The following TLK2 variants were observed in gnomAD, a reference collection of about 807,000 sequenced individuals.
The protein encoded by TLK2 is tousled like kinase 2, also known as serine/threonine-protein kinase tousled-like 2.
A neutral mutation model predicts 117.3 loss-of-function variants in TLK2; 6 were observed. The ratio of observed to expected loss-of-function variants is 0.05; its 90% CI spans 0.03 to 0.10. The LOEUF (loss-of-function observed/expected upper bound fraction) is 0.10, where lower values mean the gene tolerates loss of function less well. Ranked by LOEUF, TLK2 falls within the 10% of genes least tolerant of loss-of-function variation. TLK2 has a pLI of 1.00. For missense variants in TLK2, 299 were observed against 901.2 expected, an observed-to-expected ratio of 0.33 and a Z score of 8.56; for synonymous variants, 257 against 316.7, an observed-to-expected ratio of 0.81 and a Z score of 2.00.
chr17:62,514,076 G>T (rs1375199943), intron 2 of TLK2, among the ~76,000 whole-genome samples: 2 of 151,998 alleles, frequency 1.3e-5, no homozygotes. Context: ...AGCTTTTGAG[G>T]ATTGTGTTTA....
chr17:62,527,485 C>T (rs370494297), intron 6 of TLK2, among the ~76,000 whole-genome samples: 1 of 152,158 alleles, frequency 6.6e-6, no homozygotes, highest in East Asian at 1.9e-4. Context: ...AACCCCCTCC[C>T]TGCCGCTGTG....
intron 11 of TLK2, among the ~76,000 whole-genome samples, chr17:62,565,486 C>A (rs1162488200): frequency 6.6e-6 from 1 of 151,412 alleles, no homozygotes; most frequent in East Asian, 1.9e-4. Context: ...GACCCTGTCT[C>A]TACTAGAAAT....
chr17:62,610,338 C>CT (rs2083647867), intron 21 of TLK2, among the ~76,000 whole-genome samples: 1 of 152,204 alleles, frequency 6.6e-6, no homozygotes, highest in African/African-American at 2.4e-5. Flanking sequence ...CTGTGAAACA[C>CT]TAAGACACTA....
rs533266642 is a variant in TLK2, at chr17:62,610,377, T to G, written c.2080-2015T>G. Among the ~76,000 whole-genome samples the G allele has an allele frequency of 3.9e-5, 6 of 152,352 alleles. No individual in the cohort carries two copies. In the South Asian group the frequency reaches 1.2e-3, roughly 32 times the overall value. On this transcript the variant is annotated intron_variant, in intron 21 of 21. Transcript: ENST00000346027. Reference sequence around the variant, plus strand: ...CGGGTAGTGGAGATGGAATCGAATATGTAGCAGTGAACTCTGCAGAACAGT... The same window carrying G: ...CGGGTAGTGGAGATGGAATCGAATAGGTAGCAGTGAACTCTGCAGAACAGT...
chr17:62,596,804 T>G (rs565960049), intron 17 of TLK2, 130 bp downstream of exon 17: 2 of 726,488 alleles, frequency 2.8e-6, no homozygotes, highest in African/African-American at 3.6e-5. Flanking sequence ...TGACAAATGA[T>G]CAAACATAAA....
chr17:62,491,528 T>C (rs2073111982), intron 2 of TLK2, among the ~76,000 whole-genome samples: 1 of 152,170 alleles, frequency 6.6e-6, no homozygotes, highest in South Asian at 2.1e-4. Context: ...CTAGATGTGA[T>C]GGGATTAGTT....
intron 7 of TLK2, among the ~76,000 whole-genome samples, chr17:62,541,373 A>G (rs1260267905): frequency 2.0e-5 from 3 of 152,212 alleles, no homozygotes; most frequent in African/African-American, 7.2e-5. Flanking sequence ...GTGTAATTAT[A>G]TGTTGCATGA....
chr17:62,530,985 T>G (rs539699592), intron 6 of TLK2, among the ~76,000 whole-genome samples: 15 of 152,300 alleles, frequency 9.8e-5, no homozygotes, highest in Middle Eastern at 3.4e-3. Flanking sequence ...ATTTGCCTGT[T>G]GTTTCTTTGA....
At chr17:62,582,150 A>G (rs888259326) in intron 15 of TLK2, among the ~76,000 whole-genome samples, 1 of 152,210 alleles carries the variant, frequency 6.6e-6, no homozygotes, top group Non-Finnish European at 1.5e-5. Flanking sequence ...TGTGTTTTCA[A>G]TTTCTTCTAC....
intron 16 of TLK2, among the ~76,000 whole-genome samples, chr17:62,588,639 G>A (rs1215001140): frequency 6.6e-6 from 1 of 152,036 alleles, no homozygotes; most frequent in Non-Finnish European, 1.5e-5. Context: ...TGCTTGGGCA[G>A]CTGGGGGGAG....
intron 1 of TLK2, among the ~76,000 whole-genome samples, chr17:62,471,362 T>A (rs1310041078): frequency 6.6e-6 from 1 of 152,208 alleles, no homozygotes; most frequent in Non-Finnish European, 1.5e-5. Context: ...AAAGAATGAA[T>A]GAGTGAAGTG....
chr17:62,479,838 C>T (rs1413732005), intron 1 of TLK2, among the ~76,000 whole-genome samples: 1 of 152,216 alleles, frequency 6.6e-6, no homozygotes, highest in African/African-American at 2.4e-5. Flanking sequence ...GGAAGTGTTG[C>T]GAGAGACCTT....
At chr17:62,528,798 A>G (rs530069440) in intron 6 of TLK2, among the ~76,000 whole-genome samples, 36 of 152,334 alleles carry the variant, frequency 2.4e-4, no homozygotes, top group Admixed American at 1.3e-4. Context: ...TGCAAAACCT[A>G]AAATATTTGT....
At chr17:62,570,240 T>C (rs2080170056) in intron 11 of TLK2, among the ~76,000 whole-genome samples, 1 of 152,196 alleles carries the variant, frequency 6.6e-6, no homozygotes, top group Non-Finnish European at 1.5e-5. Flanking sequence ...GTGCAGAAGA[T>C]TGATTGTCTT....
rs2083947433 is a variant in TLK2 at position 62,613,796 on chromosome 17, T to G, written c.*1231T>G. 6.6e-6 allele frequency: 1 copy of G among 152,124 alleles called. No homozygotes were observed. The allele number at this position is 152,124 out of a possible 1,614,324, so 9.4% of individuals were successfully genotyped here. A position where few individuals can be genotyped will look rare whatever the true frequency, so the allele number is the denominator to read the frequency against. On this transcript the variant is annotated 3_prime_UTR_variant, in exon 22 of 22. Transcript: ENST00000346027. ...CTTTGTCTAGCTCACTTTAAAAGAT[T>G]CATCAAATGGAATTTTAAAAATAAT... is the stretch of plus-strand genomic sequence containing the variant.
At chr17:62,490,243 T>C (rs1029883851) in intron 2 of TLK2, among the ~76,000 whole-genome samples, 2 of 152,278 alleles carry the variant, frequency 1.3e-5, no homozygotes, top group African/African-American at 4.8e-5. Flanking sequence ...CTCTGCCTCT[T>C]ACCCTGTCTC....
intron 17 of TLK2, among the ~76,000 whole-genome samples, chr17:62,599,271 C>T (rs1319844925): frequency 1.3e-5 from 2 of 152,218 alleles, no homozygotes; most frequent in Non-Finnish European, 2.9e-5. Flanking sequence ...TGCCATGTTT[C>T]TTAAGATACA....
chr17:62,501,471 T>A (rs1390553247), intron 2 of TLK2, among the ~76,000 whole-genome samples: 1 of 151,720 alleles, frequency 6.6e-6, no homozygotes, highest in Non-Finnish European at 1.5e-5. Flanking sequence ...GGTGGCTCAC[T>A]CCTGTAATCC....
intron 2 of TLK2, among the ~76,000 whole-genome samples, chr17:62,487,099 C>T (rs2072485669): frequency 6.6e-6 from 1 of 152,140 alleles, no homozygotes; most frequent in Admixed American, 6.6e-5. Context: ...CGAGACCGTC[C>T]TGGCCAACAT....
Sources: gnomAD v4.1 joint callset for allele counts (sites outside exome capture counted in the v4.1 genomes callset) on GRCh38, gnomAD v4.1.1 for gene constraint, MANE v1.5 for transcripts, NCBI Gene and HGNC (gene_info 2026-07-23, HGNC 2026-07-21) for gene names.